The following SLC39A9 variants were observed in gnomAD, a reference collection of about 807,000 sequenced individuals.
The protein encoded by SLC39A9 is solute carrier family 39 member 9, also known as zinc transporter ZIP9.
A neutral mutation model predicts 28.4 loss-of-function variants in SLC39A9; 14 were observed. The ratio of observed to expected loss-of-function variants is 0.49; its 90% CI spans 0.33 to 0.77. The LOEUF (loss-of-function observed/expected upper bound fraction) is 0.77, where lower values mean the gene tolerates loss of function less well. Ranked by LOEUF, SLC39A9 falls within the 30% of genes least tolerant of loss-of-function variation. SLC39A9 has a pLI of 0.02. For missense variants in SLC39A9, 283 were observed against 381.1 expected (o/e 0.74, Z 2.14); for synonymous variants, 119 against 149.6 (o/e 0.80, Z 1.49).
chr14:69,423,760 T>C (rs1214906855), intron 1 of SLC39A9, among the ~76,000 whole-genome samples: 1 of 151,930 alleles, frequency 6.6e-6, no homozygotes, highest in East Asian at 1.9e-4. Context: ...TAGCCAGATG[T>C]GGTGGTGCAC....
intron 3 of SLC39A9, among the ~76,000 whole-genome samples, chr14:69,445,699 T>C (rs1331246484): frequency 6.6e-6 from 1 of 152,112 alleles, no homozygotes; most frequent in Non-Finnish European, 1.5e-5. Context: ...CAAAAGACAT[T>C]TATTAACTGC....
At chr14:69,408,717 A>G (rs935878699) in intron 1 of SLC39A9, among the ~76,000 whole-genome samples, 1 of 152,192 alleles carries the variant, frequency 6.6e-6, no homozygotes. Context: ...AAGCCTCTAG[A>G]CTGCCTGATT....
In SLC39A9 at chr14:69,454,841, T is replaced by G; in HGVS notation, c.502T>G (p.Ser168Ala). 1 of 1,614,108 alleles carries G rather than the reference T, an allele frequency of 6.2e-7. No individual in the cohort carries two copies. The highest frequency in any genetic ancestry group is 2.2e-5 in the East Asian group (1 of 44,866). The stretch of plus-strand genomic sequence containing the variant: ...TGGTGTTGCTTTGGGAGCAGCAGCA[T>G]CTACTTCACAGACCAGTGTCCAGTT... ...ADGVALGAAA[S>A]TSQTSVQLIV... The change falls in exon 5 of 7, where the codon TCT becomes GCT. Residue 168 changes from serine (S) to alanine (A), a missense_variant. By Grantham distance (99) the Ser-to-Ala change is moderately conservative. Transcript: ENST00000336643.
intron 1 of SLC39A9, among the ~76,000 whole-genome samples, chr14:69,412,496 T>C (rs1883330594): frequency 6.6e-6 from 1 of 152,080 alleles, no homozygotes; most frequent in South Asian, 2.1e-4. Flanking sequence ...TCACTGAAAA[T>C]TCTTGATATA....
intron 1 of SLC39A9, among the ~76,000 whole-genome samples, chr14:69,413,655 G>A (rs557712537): frequency 5.3e-5 from 8 of 151,842 alleles, no homozygotes; most frequent in African/African-American, 9.7e-5. Flanking sequence ...TTTTTCTCTC[G>A]GTGTTGCTGA....
Position 69,461,515 on chromosome 14 carries a change from C to G in SLC39A9, c.*2922C>G, listed in dbSNP as rs1886111206. The G allele has an allele frequency of 6.9e-7, 1 of 1,439,596 alleles. No homozygotes were observed. Among genetic ancestry groups the G allele is most frequent in the Admixed American group, 2.6e-5 (1 of 37,964 alleles). 89.2% of individuals were successfully genotyped at this position (1,439,596 alleles called of 1,614,324 possible). ...TTTCTCTTTCTCCCCGCTTTCACCT[C>G]TTTCTTTCCCAATTCAAAACAGCCA... On this transcript the variant is annotated 3_prime_UTR_variant, in exon 7 of 7. Coordinates refer to ENST00000336643, the MANE Select transcript of SLC39A9 (RefSeq NM_018375.5).
At position 69,455,829 on chromosome 14, in the gene SLC39A9, C is replaced by T; in HGVS notation, c.656C>T (p.Pro219Leu). ...KHLLVFALAA[P>L]VMSMVTYLGL... ...TTGCTGGTCTTTGCATTGGCAGCACCAGTTATGTCCATGGTGACATACTTA... is the reference window on the plus strand; with the variant it reads ...TTGCTGGTCTTTGCATTGGCAGCACTAGTTATGTCCATGGTGACATACTTA... Residue 219 changes from proline to leucine, a missense_variant, in exon 6 of 7, where the codon CCA becomes CTA. Coordinates refer to ENST00000336643, the MANE Select transcript of SLC39A9 (RefSeq NM_018375.5). 1 of 1,614,220 alleles carries T rather than the reference C, an allele frequency of 6.2e-7. No homozygotes were observed. The highest frequency in any genetic ancestry group is 8.5e-7 in the Non-Finnish European group (1 of 1,180,024).
intron 2 of SLC39A9, among the ~76,000 whole-genome samples, chr14:69,435,679 T>G (rs1448721800): frequency 6.6e-6 from 1 of 152,098 alleles, no homozygotes; most frequent in Non-Finnish European, 1.5e-5. Flanking sequence ...TCTACTATTT[T>G]CTTTTTTTTT....
Position 69,453,175 on chromosome 14 carries a change from C to T in SLC39A9, c.404-66C>T, listed in dbSNP as rs558283793. On this transcript the variant is annotated intron_variant, in intron 3 of 6. Coordinates refer to ENST00000336643, the MANE Select transcript of SLC39A9 (RefSeq NM_018375.5). ...AACATTAGTGAAATTCTTTCACCTCCAGACCAATGTTTGAACAGTTTCTGT... is the reference window on the plus strand; with the variant it reads ...AACATTAGTGAAATTCTTTCACCTCTAGACCAATGTTTGAACAGTTTCTGT... 92 of 1,408,344 alleles carry T rather than the reference C, an allele frequency of 6.5e-5. 2 individuals are homozygous for T. Among genetic ancestry groups the T allele is most frequent in the Admixed American group, 6.1e-4 (36 of 59,304 alleles). 87.2% of individuals were successfully genotyped at this position (1,408,344 alleles called of 1,614,324 possible).
At chr14:69,437,514 C>G (rs569559264) in intron 2 of SLC39A9, among the ~76,000 whole-genome samples, 1 of 152,162 alleles carries the variant, frequency 6.6e-6, no homozygotes, top group East Asian at 1.9e-4. Context: ...CTTACTGTAA[C>G]ATGGCCAGCA....
At chr14:69,455,992 C>T in intron 6 of SLC39A9, 126 bp downstream of exon 6, 1 of 1,115,510 alleles carries the variant, frequency 9.0e-7, no homozygotes, top group Non-Finnish European at 1.3e-6. Context: ...GGAGTAAAAA[C>T]TATACAGGGT....
chr14:69,421,737 C>T (rs933066139), intron 1 of SLC39A9, among the ~76,000 whole-genome samples: 2 of 152,200 alleles, frequency 1.3e-5, no homozygotes, highest in African/African-American at 4.8e-5. Flanking sequence ...AGTCAGGCTG[C>T]CTCCTTGAAG....
chr14:69,424,226 T>C lies in SLC39A9; in HGVS notation c.205+24T>C, dbSNP rs769367090. The C allele has an allele frequency of 4.5e-6, 7 of 1,541,084 alleles. No individual in the cohort carries two copies. The East Asian group carries it at 1.4e-4, about 30-fold the overall frequency. ...GGGTGAGAAAGGGAAGAGCATTATT[T>C]GAGATATGTTATTGACTTGGAGGGT... is the stretch of plus-strand genomic sequence containing the variant. On this transcript the variant is annotated intron_variant, in intron 2 of 6. Coordinates refer to ENST00000336643, the MANE Select transcript of SLC39A9 (RefSeq NM_018375.5).
intron 2 of SLC39A9, among the ~76,000 whole-genome samples, chr14:69,435,914 C>A (rs369113609): frequency 6.6e-6 from 1 of 152,022 alleles, no homozygotes. Flanking sequence ...CTCAGGTGAT[C>A]CACCTGCCTT....
At chr14:69,405,484 G>A (rs141271256) in intron 1 of SLC39A9, among the ~76,000 whole-genome samples, 14 of 152,276 alleles carry the variant, frequency 9.2e-5, no homozygotes, top group African/African-American at 3.4e-4. Context: ...GGGCATGGTG[G>A]CTTATACCTG....
At chr14:69,451,591 A>T (rs1885613681) in intron 3 of SLC39A9, among the ~76,000 whole-genome samples, 1 of 152,234 alleles carries the variant, frequency 6.6e-6, no homozygotes, top group African/African-American at 2.4e-5. Context: ...GATAGAAAAC[A>T]TTCAAGTGAA....
At chr14:69,442,405 T>A in intron 3 of SLC39A9, 139 bp downstream of exon 3, 2 of 793,752 alleles carry the variant, frequency 2.5e-6, no homozygotes, top group Non-Finnish European at 4.1e-6. Context: ...AGTGAACATT[T>A]AACTAAGTGG....
In SLC39A9 at chr14:69,460,132, C is replaced by T; in HGVS notation, c.*1539C>T. On this transcript the variant is annotated 3_prime_UTR_variant, in exon 7 of 7. Transcript: ENST00000336643. ...TATTAATTTATTTTTACTTTCTATA[C>T]CATTTCAAAACACATTACACTAAGG... The T allele has an allele frequency of 1.0e-6, 1 of 983,916 alleles. No individual in the cohort carries two copies. The highest frequency in any genetic ancestry group is 1.2e-6 in the Non-Finnish European group (1 of 828,324). The allele number at this position is 983,916 out of a possible 1,614,324, so 60.9% of individuals were successfully genotyped here.
At chr14:69,458,267 C>T (rs938134428) in intron 6 of SLC39A9, 96 bp from the exon 7 acceptor site, 2 of 1,483,900 alleles carry the variant, frequency 1.3e-6, no homozygotes, top group African/African-American at 2.8e-5. Context: ...TAGACAGCAC[C>T]AGTTAAGAAC....
Sources: allele counts gnomAD v4.1 joint callset (sites outside exome capture counted in the v4.1 genomes callset), GRCh38; gene constraint gnomAD v4.1.1; transcripts MANE v1.5; gene names NCBI Gene and HGNC (gene_info 2026-07-23, HGNC 2026-07-21).